Variants in IMMP2L observed in about 807,000 individuals in gnomAD.
IMMP2L encodes the protein mitochondrial inner membrane protease subunit 2.
In IMMP2L, 18 loss-of-function variants were observed where a neutral mutation model predicts 19.3. The ratio of observed to expected loss-of-function variants is 0.93; its 90% CI spans 0.64 to 1.38. The LOEUF (loss-of-function observed/expected upper bound fraction) is 1.38, where lower values mean the gene tolerates loss of function less well. IMMP2L is among the 40% of genes most tolerant of loss of function. IMMP2L has a pLI of 0.00. For missense variants in IMMP2L, 233 were observed against 218.2 expected (o/e 1.07, Z -0.43); for synonymous variants, 76 against 73.0 (o/e 1.04, Z -0.21).
intron 3 of IMMP2L, among the ~76,000 whole-genome samples, chr7:111,178,050 AT>A (rs1807267247): frequency 6.6e-6 from 1 of 152,090 alleles, no homozygotes; most frequent in Non-Finnish European, 1.5e-5. Context: ...GCTAGGGGAC[AT>A]ATACATACTT....
intron 3 of IMMP2L, among the ~76,000 whole-genome samples, chr7:111,379,353 A>C (rs1830984949): frequency 6.6e-6 from 1 of 151,888 alleles, no homozygotes; most frequent in Non-Finnish European, 1.5e-5. Context: ...ATGAGAGTAC[A>C]TAAATTATAT....
intron 3 of IMMP2L, among the ~76,000 whole-genome samples, chr7:111,308,576 C>T (rs1329410468): frequency 6.6e-6 from 1 of 151,814 alleles, no homozygotes; most frequent in Non-Finnish European, 1.5e-5. Flanking sequence ...TGAACTACTA[C>T]AATTTAAAAA....
chr7:110,969,492 A>T (rs1160612940), intron 3 of IMMP2L, among the ~76,000 whole-genome samples: 1 of 152,008 alleles, frequency 6.6e-6, no homozygotes, highest in African/African-American at 2.4e-5. Flanking sequence ...TTTTGTCCTG[A>T]TATCCCCGAG....
At chr7:111,211,323 G>C (rs1435086745) in intron 3 of IMMP2L, among the ~76,000 whole-genome samples, 4 of 152,088 alleles carry the variant, frequency 2.6e-5, no homozygotes, top group Non-Finnish European at 1.5e-5. Flanking sequence ...CAAAAGCAAA[G>C]TGTGGAAAGA....
At chr7:110,667,052 T>C (rs1791513582) in intron 5 of IMMP2L, among the ~76,000 whole-genome samples, 1 of 152,146 alleles carries the variant, frequency 6.6e-6, no homozygotes, top group African/African-American at 2.4e-5. Context: ...TTTGTATTTT[T>C]AGTAGAGAGG....
intron 3 of IMMP2L, among the ~76,000 whole-genome samples, chr7:111,273,757 A>T (rs1818730121): frequency 6.6e-6 from 1 of 152,122 alleles, no homozygotes; most frequent in Non-Finnish European, 1.5e-5. Context: ...CAAAACCACA[A>T]ATATTACATG....
At chr7:111,169,685 G>C (rs1157313571) in intron 3 of IMMP2L, among the ~76,000 whole-genome samples, 1 of 151,760 alleles carries the variant, frequency 6.6e-6, no homozygotes, top group African/African-American at 2.4e-5. Context: ...TACTAAATTA[G>C]AGCCAACCTT....
intron 5 of IMMP2L, among the ~76,000 whole-genome samples, chr7:110,852,393 A>T (rs957119014): frequency 2.0e-5 from 3 of 152,110 alleles, no homozygotes; most frequent in African/African-American, 7.2e-5. Context: ...AACACCTTGC[A>T]TGAGTTTTCT....
intron 3 of IMMP2L, among the ~76,000 whole-genome samples, chr7:111,428,338 AG>A (rs1191005224): frequency 6.6e-6 from 1 of 151,760 alleles, no homozygotes; most frequent in African/African-American, 2.4e-5. Context: ...CAAGAGAAAT[AG>A]GGGGTTTCAA....
rs116095090 is a variant in IMMP2L, at chr7:111,132,373, C to G, written c.240-168808G>C. On this transcript the variant is annotated intron_variant, in intron 3 of 5. Transcript: ENST00000405709. ...ATACAGAATGGTCAATTATGTTTAACCTGCTTGCCAACTCTCCGATTACAC... is the reference window on the plus strand; with the variant it reads ...ATACAGAATGGTCAATTATGTTTAAGCTGCTTGCCAACTCTCCGATTACAC... Among the ~76,000 whole-genome samples the G allele has an allele frequency of 4.2e-3, 635 of 152,114 alleles. 7 individuals carry two copies. The highest frequency in any genetic ancestry group is 0.015 in the African/African-American group (611 of 41,558).
chr7:111,195,799 A>T (rs1341339804), intron 3 of IMMP2L, among the ~76,000 whole-genome samples: 1 of 104 alleles, frequency 9.6e-3, no homozygotes, highest in Non-Finnish European at 0.023. Flanking sequence ...TGTGTAATCA[A>T]ATTTAATTTT....
intron 1 of IMMP2L, among the ~76,000 whole-genome samples, chr7:111,549,366 T>C (rs1394085627): frequency 6.6e-6 from 1 of 152,122 alleles, no homozygotes; most frequent in Admixed American, 6.6e-5. Flanking sequence ...AAAATGAAGT[T>C]CACAGACAAA....
rs373456331 is a variant in IMMP2L at position 111,055,505 on chromosome 7, T to C, written c.240-91940A>G. Among the ~76,000 whole-genome samples, 32 of 152,298 alleles carry C rather than the reference T, an allele frequency of 2.1e-4. No homozygotes were observed. In the East Asian group the frequency reaches 4.8e-3, roughly 23 times the overall value. Reference sequence around the variant, plus strand: ...GACAGGGATTCTCTTCCTAACCCGTTTGCAAACCTTTGCTCAGGCCTCTGT... The same window carrying C: ...GACAGGGATTCTCTTCCTAACCCGTCTGCAAACCTTTGCTCAGGCCTCTGT... On this transcript the variant is annotated intron_variant, in intron 3 of 5. Coordinates refer to ENST00000405709, the MANE Select transcript of IMMP2L (RefSeq NM_032549.4).
At chr7:111,374,651 A>AGACT (rs1830526211) in intron 3 of IMMP2L, among the ~76,000 whole-genome samples, 1 of 152,154 alleles carries the variant, frequency 6.6e-6, no homozygotes, top group African/African-American at 2.4e-5. Context: ...AAAGACAGTC[A>AGACT]GACCCTGAGA....
At chr7:110,747,098 T>C (rs1045015974) in intron 5 of IMMP2L, among the ~76,000 whole-genome samples, 1 of 152,038 alleles carries the variant, frequency 6.6e-6, no homozygotes, top group Non-Finnish European at 1.5e-5. Flanking sequence ...AAATATAAAC[T>C]ACCATCAGAG....
intron 3 of IMMP2L, among the ~76,000 whole-genome samples, chr7:111,140,479 T>C (rs1013198910): frequency 1.3e-5 from 2 of 152,200 alleles, no homozygotes; most frequent in Non-Finnish European, 2.9e-5. Context: ...TAAAATTCAA[T>C]GTAATAGCTG....
chr7:110,690,857 G>A (rs1793444456), intron 5 of IMMP2L, among the ~76,000 whole-genome samples: 1 of 151,946 alleles, frequency 6.6e-6, no homozygotes, highest in African/African-American at 2.4e-5. Context: ...CATGCTCATG[G>A]ATTGGAAGAA....
chr7:111,010,507 T>C (rs1427404795), intron 3 of IMMP2L, among the ~76,000 whole-genome samples: 3 of 152,142 alleles, frequency 2.0e-5, no homozygotes, highest in African/African-American at 7.2e-5. Context: ...CAAACATGGA[T>C]AGTTTCCATT....
chr7:110,827,974 A>C (rs1367785986), intron 5 of IMMP2L, among the ~76,000 whole-genome samples: 1 of 152,148 alleles, frequency 6.6e-6, no homozygotes, highest in Non-Finnish European at 1.5e-5. Flanking sequence ...AGACAAGTTC[A>C]CCTAACAGCC....
Sources: allele counts gnomAD v4.1 joint callset (sites outside exome capture counted in the v4.1 genomes callset), GRCh38; gene constraint gnomAD v4.1.1; transcripts MANE v1.5; gene names NCBI Gene and HGNC (gene_info 2026-07-23, HGNC 2026-07-21).